The following NAALADL2 variants were observed in gnomAD, a reference collection of about 807,000 sequenced individuals.
NAALADL2 encodes the protein N-acetylated alpha-linked acidic dipeptidase like 2, also known as inactive N-acetylated-alpha-linked acidic dipeptidase-like protein 2.
Under a neutral mutation model 87.2 loss-of-function variants are expected in NAALADL2, and 76 were observed. The observed-to-expected ratio is 0.87, with a 90% CI of 0.72 to 1.05. The LOEUF is 1.05. NAALADL2 is among the 50% of genes least tolerant of loss of function. The probability of loss-of-function intolerance (pLI) is 0.00; values close to 1 mark genes in which losing one functional copy is unlikely to be tolerated. For missense variants in NAALADL2, 1,089 were observed against 945.8 expected (o/e 1.15, Z -1.99); for synonymous variants, 354 against 331.0 (o/e 1.07, Z -0.75).
intron 13 of NAALADL2, among the ~76,000 whole-genome samples, chr3:175,766,822 A>C (rs1748754208): frequency 6.6e-6 from 1 of 152,160 alleles, no homozygotes; most frequent in African/African-American, 2.4e-5. Context: ...TTAGGAGATG[A>C]AATGCTCAGG....
chr3:175,683,435 T>C, intron 11 of NAALADL2, among the ~76,000 whole-genome samples: 1 of 152,104 alleles, frequency 6.6e-6, no homozygotes, highest in Non-Finnish European at 1.5e-5. Flanking sequence ...TTATCAAAAC[T>C]AATTTCTATT....
intron 2 of NAALADL2, among the ~76,000 whole-genome samples, chr3:174,592,411 G>C (rs903027498): frequency 6.6e-6 from 1 of 152,006 alleles, no homozygotes; most frequent in Non-Finnish European, 1.5e-5. Flanking sequence ...AGATGAGATA[G>C]TAGGCTTTAG....
intron 13 of NAALADL2, among the ~76,000 whole-genome samples, chr3:175,790,924 A>G (rs1040456376): frequency 2.6e-5 from 4 of 152,224 alleles, no homozygotes; most frequent in African/African-American, 9.6e-5. Flanking sequence ...ACAAAACAAG[A>G]CATCTTTGTA....
chr3:175,782,049 G>A (rs1476474497), intron 13 of NAALADL2, among the ~76,000 whole-genome samples: 1 of 150,706 alleles, frequency 6.6e-6, no homozygotes, highest in Admixed American at 6.6e-5. Flanking sequence ...CATTTTTTAT[G>A]GCTGCATAGT....
intron 1 of NAALADL2, among the ~76,000 whole-genome samples, chr3:175,039,096 A>G: frequency 6.6e-6 from 1 of 152,260 alleles, no homozygotes; most frequent in East Asian, 1.9e-4. Flanking sequence ...CATTTTAAAG[A>G]AAGAAAAATA....
intron 13 of NAALADL2, among the ~76,000 whole-genome samples, chr3:175,788,085 CCTG>C (rs1263042919): frequency 1.0e-3 from 142 of 141,982 alleles, no homozygotes; most frequent in African/African-American, 3.8e-3. Flanking sequence ...CAGTTTTTTA[CCTG>C]TTTTTTTTTT....
At chr3:175,183,253 T>TC (rs1736856975) in intron 2 of NAALADL2, among the ~76,000 whole-genome samples, 1 of 151,690 alleles carries the variant, frequency 6.6e-6, no homozygotes, top group South Asian at 2.1e-4. Context: ...CCTAAGTATT[T>TC]TTTTTTGTAA....
At chr3:174,820,831 GT>G (rs138763909) in intron 3 of NAALADL2, among the ~76,000 whole-genome samples, 2 of 151,432 alleles carry the variant, frequency 1.3e-5, no homozygotes, top group South Asian at 2.1e-4. Context: ...TGTGGTATAT[GT>G]TTTTTTAAAA....
At chr3:174,480,692 T>C (rs1408270602) in intron 1 of NAALADL2, among the ~76,000 whole-genome samples, 1 of 152,096 alleles carries the variant, frequency 6.6e-6, no homozygotes, top group Non-Finnish European at 1.5e-5. Context: ...TCTAAACCTA[T>C]TATCAGCTAA....
At chr3:174,915,003 A>G (rs1553891160) in intron 1 of NAALADL2, among the ~76,000 whole-genome samples, 4 of 152,212 alleles carry the variant, frequency 2.6e-5, no homozygotes, top group Non-Finnish European at 5.9e-5. Context: ...TTAAAAAGTT[A>G]TACTACAGTT....
rs564137269 is a variant in NAALADL2 at position 174,758,380 on chromosome 3, C to G, written c.-9+20634C>G. Among the ~76,000 whole-genome samples the G allele has an allele frequency of 2.6e-4, 40 of 152,336 alleles. No individual in the cohort carries two copies. In the South Asian group the frequency reaches 8.3e-3, roughly 32 times the overall value. ...GTAATTAATGAAATAACATATACAA[C>G]TAGCATAGAGTCAAATAAATAGTAA... On this transcript the variant is annotated intron_variant, in intron 3 of 3. Transcript: ENST00000434257.
chr3:174,723,072 C>A (rs895366723), intron 2 of NAALADL2, among the ~76,000 whole-genome samples: 1 of 151,814 alleles, frequency 6.6e-6, no homozygotes. Context: ...AAAATAAATT[C>A]CATATTGTAG....
chr3:174,878,684 C>G (rs764638338), intron 1 of NAALADL2, among the ~76,000 whole-genome samples: 1 of 151,804 alleles, frequency 6.6e-6, no homozygotes, highest in Non-Finnish European at 1.5e-5. Flanking sequence ...TTCTATTTGC[C>G]CCTGTACACT....
intron 2 of NAALADL2, among the ~76,000 whole-genome samples, chr3:175,182,337 A>G (rs1736684589): frequency 1.3e-5 from 2 of 151,734 alleles, no homozygotes; most frequent in South Asian, 2.1e-4. Context: ...TTTTCTCCTA[A>G]TTCATACATC....
intron 9 of NAALADL2, among the ~76,000 whole-genome samples, chr3:175,480,225 C>T (rs1470665311): frequency 6.6e-6 from 1 of 151,758 alleles, no homozygotes; most frequent in African/African-American, 2.4e-5. Flanking sequence ...GGCTCTAAAT[C>T]TACAAGCCAT....
At chr3:175,642,609 T>A (rs1174371845) in intron 11 of NAALADL2, among the ~76,000 whole-genome samples, 1 of 151,862 alleles carries the variant, frequency 6.6e-6, no homozygotes, top group Non-Finnish European at 1.5e-5. Context: ...CATGCCATTC[T>A]CCTGCCTCAG....
intron 5 of NAALADL2, among the ~76,000 whole-genome samples, chr3:175,391,415 G>A (rs1363655214): frequency 2.6e-5 from 4 of 152,072 alleles, no homozygotes; most frequent in Non-Finnish European, 4.4e-5. Context: ...TTGATCTCTC[G>A]CTGTCTCACT....
chr3:175,330,091 G>A lies in NAALADL2; in HGVS notation c.1090+5766G>A, dbSNP rs545760778. ...TGTGCTTGATCAATAGAGACAATCA[G>A]TTTGTTTAGTTTAAGAACTAAAGTT... On this transcript the variant is annotated intron_variant, in intron 5 of 13. Transcript: ENST00000454872. 8.5e-5 allele frequency among the ~76,000 whole-genome samples: 13 copies of A among 152,148 alleles called. 1 individual carries two copies. In the South Asian group the frequency reaches 2.5e-3, roughly 29 times the overall value.
chr3:175,152,599 A>G (rs1180374359), intron 2 of NAALADL2, among the ~76,000 whole-genome samples: 6 of 152,174 alleles, frequency 3.9e-5, no homozygotes, highest in African/African-American at 1.4e-4. Context: ...AACAATTGCT[A>G]CATTATGTAG....
Sources: gnomAD v4.1 joint callset for allele counts (sites outside exome capture counted in the v4.1 genomes callset) on GRCh38, gnomAD v4.1.1 for gene constraint, MANE v1.5 for transcripts, NCBI Gene and HGNC (gene_info 2026-07-23, HGNC 2026-07-21) for gene names.